CTNNA3: variants seen among roughly 807,000 people sequenced by gnomAD.
CTNNA3 encodes the protein catenin alpha-3.
Under a neutral mutation model 95.7 loss-of-function variants are expected in CTNNA3, and 76 were observed. The ratio of observed to expected loss-of-function variants is 0.79; its 90% confidence interval spans 0.66 to 0.96. The LOEUF is 0.96. Among genes scored for constraint, CTNNA3 ranks in the 40% least tolerant of loss-of-function variants. The pLI is 0.00. For missense variants in CTNNA3, 1,191 were observed against 1,089.8 expected, an observed-to-expected ratio of 1.09 and a Z score of -1.31; for synonymous variants, 431 against 374.4, an observed-to-expected ratio of 1.15 and a Z score of -1.74.
intron 11 of CTNNA3, among the ~76,000 whole-genome samples, chr10:66,388,221 T>A (rs1251997234): frequency 6.6e-6 from 1 of 152,184 alleles, no homozygotes; most frequent in Admixed American, 6.6e-5. Context: ...CAATTTTATA[T>A]TGTAGAGCTA....
chr10:66,967,663 A>G (rs967812251), intron 7 of CTNNA3, among the ~76,000 whole-genome samples: 2 of 152,084 alleles, frequency 1.3e-5, no homozygotes, highest in African/African-American at 4.8e-5. Context: ...ATTTTCTAAC[A>G]TTTATTAAGA....
intron 7 of CTNNA3, among the ~76,000 whole-genome samples, chr10:66,897,562 T>C (rs1158144641): frequency 2.6e-5 from 4 of 152,100 alleles, no homozygotes; most frequent in African/African-American, 9.7e-5. Context: ...ACCAATAACT[T>C]GATTGTATAC....
intron 7 of CTNNA3, among the ~76,000 whole-genome samples, chr10:67,171,412 TA>T (rs1862014414): frequency 1.3e-5 from 2 of 151,922 alleles, no homozygotes; most frequent in African/African-American, 4.8e-5. Flanking sequence ...CCGTTTCTAC[TA>T]AAAATATAAA....
chr10:66,106,354 TGTGTGTG>T (rs1564649738), intron 13 of CTNNA3, among the ~76,000 whole-genome samples: 1 of 150,942 alleles, frequency 6.6e-6, no homozygotes, highest in Non-Finnish European at 1.5e-5. Context: ...TGTGTGTGTG[TGTGTGTG>T]TGTGTGTGTG....
At chr10:66,558,453 A>T (rs1435130999) in intron 10 of CTNNA3, among the ~76,000 whole-genome samples, 1 of 152,156 alleles carries the variant, frequency 6.6e-6, no homozygotes, top group Non-Finnish European at 1.5e-5. Context: ...AATCTTTGAC[A>T]CTTTTCTGGG....
At chr10:66,791,585 A>T (rs1840970534) in intron 7 of CTNNA3, among the ~76,000 whole-genome samples, 1 of 152,182 alleles carries the variant, frequency 6.6e-6, no homozygotes, top group African/African-American at 2.4e-5. Context: ...ATTTTTTGTA[A>T]TTAATTGATT....
intron 9 of CTNNA3, among the ~76,000 whole-genome samples, chr10:66,726,819 A>C (rs796520711): frequency 6.6e-6 from 1 of 152,110 alleles, no homozygotes; most frequent in South Asian, 2.1e-4. Flanking sequence ...TTTCATATGT[A>C]AGTAAAGACA....
Position 66,423,174 on chromosome 10 carries a change from T to C in CTNNA3, c.1532-43822A>G, listed in dbSNP as rs527773427. 1.2e-4 allele frequency among the ~76,000 whole-genome samples: 19 copies of C among 152,242 alleles called. No homozygotes were observed. In the East Asian group the frequency reaches 2.9e-3, roughly 23 times the overall value. The stretch of plus-strand genomic sequence containing the variant: ...ACTTGGTCATGATGTTTAAAAGTTT[T>C]AAAAACTTTAAAATACGCTGTCAGA... On this transcript the variant is annotated intron_variant, in intron 11 of 17. Transcript: ENST00000433211.
chr10:66,979,118 C>G (rs1192342181), intron 7 of CTNNA3, among the ~76,000 whole-genome samples: 2 of 151,920 alleles, frequency 1.3e-5, no homozygotes, highest in African/African-American at 2.4e-5. Flanking sequence ...GCACCCACCA[C>G]CACACCTGGC....
At chr10:66,629,361 T>C (rs1845053685) in intron 9 of CTNNA3, among the ~76,000 whole-genome samples, 1 of 152,056 alleles carries the variant, frequency 6.6e-6, no homozygotes, top group African/African-American at 2.4e-5. Flanking sequence ...CATCTATCCA[T>C]TTTAAAACAT....
Position 67,133,370 on chromosome 10 carries a change from T to C in CTNNA3, c.1047+46947A>G, listed in dbSNP as rs28466885. ...TGGTAGATACATACATACATACATA[T>C]ATATATATACACACACACACACACA... On this transcript the variant is annotated intron_variant, in intron 7 of 17. Transcript: ENST00000433211. 3.0e-3 allele frequency among the ~76,000 whole-genome samples: 261 copies of C among 86,724 alleles called. 2 individuals are homozygous for C. Among genetic ancestry groups the C allele is most frequent in the African/African-American group, 0.015 (245 of 16,796 alleles). The allele number at this position is 86,724 out of a possible 152,430, so 56.9% of individuals were successfully genotyped here.
intron 12 of CTNNA3, among the ~76,000 whole-genome samples, chr10:66,283,055 TA>T (rs2091522128): frequency 6.6e-6 from 1 of 151,872 alleles, no homozygotes; most frequent in Non-Finnish European, 1.5e-5. Context: ...CAAATCTGCT[TA>T]ATGAGTTAAT....
chr10:67,002,435 T>C (rs998255222), intron 7 of CTNNA3, among the ~76,000 whole-genome samples: 1 of 152,196 alleles, frequency 6.6e-6, no homozygotes, highest in Non-Finnish European at 1.5e-5. Context: ...GGAAAAGTAA[T>C]GCTTTCTACA....
intron 17 of CTNNA3, among the ~76,000 whole-genome samples, chr10:65,935,683 C>T (rs576613471): frequency 7.9e-5 from 12 of 152,140 alleles, no homozygotes; most frequent in East Asian, 5.8e-4. Context: ...CTTAGGGTCA[C>T]GGAGAACATT....
At chr10:65,972,911 A>AGG (rs2078137566) in intron 16 of CTNNA3, among the ~76,000 whole-genome samples, 1 of 151,728 alleles carries the variant, frequency 6.6e-6, no homozygotes, top group African/African-American at 2.4e-5. Context: ...GGGGAAAAAA[A>AGG]AAAAAAAAAA....
rs116510726 is a variant in CTNNA3, at chr10:66,395,247, C to T, written c.1532-15895G>A. Among the ~76,000 whole-genome samples, 823 of 152,036 alleles carry T rather than the reference C, an allele frequency of 5.4e-3. 9 individuals carry two copies. The highest frequency in any genetic ancestry group is 0.014 in the African/African-American group (574 of 41,532). ...CTCTTATATTTTGCTCAGAGGTGCA[C>T]AAAAATTGTCAGAACAGATCCCTCT... On this transcript the variant is annotated intron_variant, in intron 11 of 17. Transcript: ENST00000433211.
intron 7 of CTNNA3, among the ~76,000 whole-genome samples, chr10:66,874,305 G>A (rs1844529690): frequency 6.6e-6 from 1 of 152,074 alleles, no homozygotes; most frequent in Non-Finnish European, 1.5e-5. Context: ...ACCATTAGGT[G>A]TATTCACAGG....
intron 13 of CTNNA3, among the ~76,000 whole-genome samples, chr10:66,245,203 C>G (rs2090266474): frequency 6.6e-6 from 1 of 152,212 alleles, no homozygotes; most frequent in Admixed American, 6.5e-5. Flanking sequence ...GCTACAGGTG[C>G]TGGCTCTCTG....
At position 67,253,192 on chromosome 10, in the gene CTNNA3, C is replaced by T. The variant is rs188051294; in HGVS notation, c.580-33322G>A. On this transcript the variant is annotated intron_variant, in intron 5 of 17. Transcript: ENST00000433211. Reference sequence around the variant, plus strand: ...ATACTGTGATAGTCAACCTGATAACCGAGAGGGCTACTAAGTGACTAACGG... The same window carrying T: ...ATACTGTGATAGTCAACCTGATAACTGAGAGGGCTACTAAGTGACTAACGG... 3.9e-3 allele frequency among the ~76,000 whole-genome samples: 593 copies of T among 152,128 alleles called. 1 individual carries two copies. The highest frequency in any genetic ancestry group is 6.8e-3 in the Middle Eastern group (2 of 294).
Sources: allele counts gnomAD v4.1 joint callset (sites outside exome capture counted in the v4.1 genomes callset), GRCh38; gene constraint gnomAD v4.1.1; transcripts MANE v1.5; gene names NCBI Gene and HGNC (gene_info 2026-07-23, HGNC 2026-07-21).